Variants in AR observed in about 807,000 individuals in gnomAD.
AR encodes dihydrotestosterone receptor.
AR carries 8 observed loss-of-function variants against 53.9 expected under a neutral mutation model. The observed-to-expected ratio is 0.15, with a 90% CI of 0.09 to 0.27. The LOEUF (loss-of-function observed/expected upper bound fraction) is 0.27. AR is among the 10% of genes least tolerant of loss of function. The pLI is 1.00. For synonymous variants in AR, 359 were observed against 316.4 expected (o/e 1.13, Z -1.43); for missense variants, 639 against 742.5 (o/e 0.86, Z 1.62).
chrX:67,722,200 T>A, intron 6 of AR: 1 of 387,421 alleles, frequency 2.6e-6, no homozygotes. Context: ...TCCCCACCTA[T>A]CCCCAGTCTG....
intron 3 of AR, among the ~76,000 whole-genome samples, chrX:67,693,018 A>C (rs1357271251): frequency 8.9e-6 from 1 of 112,890 alleles, no homozygotes; most frequent in African/African-American, 3.2e-5. Context: ...AAAAACAGAG[A>C]CTGCGTCTCT....
intron 1 of AR, among the ~76,000 whole-genome samples, chrX:67,595,662 A>T (rs1240313690): frequency 9.2e-6 from 1 of 108,479 alleles, no homozygotes; most frequent in Admixed American, 9.9e-5. Flanking sequence ...AAAAAAAAAA[A>T]AAATAGCCAG....
At chrX:67,723,664 T>C in intron 7 of AR, 22 bp from the exon 8 acceptor site, 1 of 1,209,152 alleles carries the variant, frequency 8.3e-7, no homozygotes. Context: ...CCTGTTTTTC[T>C]CCCTCTTATT....
At chrX:67,667,668 CAA>C (rs1400850631) in intron 2 of AR, among the ~76,000 whole-genome samples, 1 of 111,533 alleles carries the variant, frequency 9.0e-6, no homozygotes, top group Non-Finnish European at 1.9e-5. Flanking sequence ...GACATTTTAA[CAA>C]TATCAATTCT....
rs1031084535 is a variant in AR, at chrX:67,648,712, T to C, written c.1768+5305T>C. On this transcript the variant is annotated intron_variant, in intron 2 of 7. Coordinates refer to ENST00000374690, the MANE Select transcript of AR (RefSeq NM_000044.6). The stretch of plus-strand genomic sequence containing the variant: ...TGGTGGCCTTGTGCCTGCTTATTTA[T>C]AGCCTGTGCATTTTATGAAACAGGG... Among the ~76,000 whole-genome samples the C allele has an allele frequency of 1.7e-4, 19 of 112,235 alleles. 1 individual carries two copies. The highest frequency in any genetic ancestry group is 1.9e-4 in the Admixed American group (2 of 10,572).
intron 5 of AR, among the ~76,000 whole-genome samples, chrX:67,721,609 G>A (rs137901321): frequency 1.8e-5 from 2 of 111,364 alleles, no homozygotes; most frequent in African/African-American, 6.6e-5. Context: ...CAGAGAAGAT[G>A]AGTAGTTATC....
chrX:67,666,901 C>A (rs1927292104), intron 2 of AR, among the ~76,000 whole-genome samples: 1 of 110,372 alleles, frequency 9.1e-6, no homozygotes, highest in Non-Finnish European at 1.9e-5. Context: ...ATTTTTTAAT[C>A]AGATTGTTAG....
chrX:67,694,732 G>A (rs1235829768), intron 3 of AR: 4 of 1,152,666 alleles, frequency 3.5e-6, no homozygotes, highest in South Asian at 1.9e-5. Context: ...AAGAAAGGCT[G>A]ACTTGCCTCA....
chrX:67,618,778 C>T (rs1924233940), intron 1 of AR, among the ~76,000 whole-genome samples: 1 of 110,574 alleles, frequency 9.0e-6, no homozygotes, highest in Admixed American at 9.6e-5. Context: ...AGACAGATGG[C>T]TGGGGGCAAG....
At position 67,701,674 on chromosome X, in the gene AR, T is replaced by TCACA. The variant is rs3070104; in HGVS notation, c.1886-9695_1886-9692dup. 3.9e-3 allele frequency among the ~76,000 whole-genome samples: 383 copies of TCACA among 97,497 alleles called. 4 individuals carry two copies. Among genetic ancestry groups the TCACA allele is most frequent in the East Asian group, 0.019 (57 of 3,049 alleles). The allele number at this position is 97,497 out of a possible 115,157, so 84.7% of individuals were successfully genotyped here. On this transcript the variant is annotated intron_variant, in intron 3 of 7. Transcript: ENST00000374690. ...TTCAATTCACCAGTGTACTAACCATTCACACACACACACACACACACACAC... is the reference window on the plus strand; with the variant it reads ...TTCAATTCACCAGTGTACTAACCATTCACACACACACACACACACACACACACAC...
intron 1 of AR, among the ~76,000 whole-genome samples, chrX:67,627,316 T>C (rs1186089491): frequency 5.0e-4 from 56 of 111,837 alleles, no homozygotes; most frequent in Non-Finnish European, 9.6e-4. Context: ...TTTTAATGAT[T>C]GCCATTCTAA....
At chrX:67,697,251 G>A (rs2076024744) in intron 3 of AR, among the ~76,000 whole-genome samples, 1 of 111,578 alleles carries the variant, frequency 9.0e-6, no homozygotes, top group Non-Finnish European at 1.9e-5. Context: ...TTACATTTCA[G>A]TCCTTGTGAA....
At chrX:67,569,966 C>A (rs1290182595) in intron 1 of AR, among the ~76,000 whole-genome samples, 1 of 111,592 alleles carries the variant, frequency 9.0e-6, no homozygotes, top group African/African-American at 3.3e-5. Flanking sequence ...GGGTGTATAT[C>A]CCTCTCTTGC....
chrX:67,613,950 A>G (rs1923994007), intron 1 of AR, among the ~76,000 whole-genome samples: 1 of 112,485 alleles, frequency 8.9e-6, no homozygotes, highest in Admixed American at 9.4e-5. Flanking sequence ...TCCAAGCCAC[A>G]TGCACATCCA....
At chrX:67,683,488 G>T (rs1306712730) in intron 2 of AR, among the ~76,000 whole-genome samples, 2 of 111,772 alleles carry the variant, frequency 1.8e-5, no homozygotes, top group East Asian at 5.6e-4. Context: ...TGACTTTCCA[G>T]TCCAATCTAT....
Position 67,577,776 on chromosome X carries a change from T to C in AR, c.1616+31014T>C, listed in dbSNP as rs187973678. ...ATCTTTTCATGTGCTTATTGGCCGT[T>C]TGTATATTTTTTGATCCTTTGCTCA... On this transcript the variant is annotated intron_variant, in intron 1 of 7. Coordinates refer to ENST00000374690, the MANE Select transcript of AR (RefSeq NM_000044.6). Among the ~76,000 whole-genome samples, 9 of 111,613 alleles carry C rather than the reference T, an allele frequency of 8.1e-5. No individual in the cohort carries two copies. In the East Asian group the frequency reaches 2.6e-3, roughly 32 times the overall value.
intron 1 of AR, among the ~76,000 whole-genome samples, chrX:67,628,259 C>T (rs1924815306): frequency 9.4e-6 from 1 of 106,243 alleles, no homozygotes; most frequent in African/African-American, 3.3e-5. Flanking sequence ...TTGATTCTTC[C>T]TACCCATGAG....
intron 6 of AR, 55 bp from the exon 7 acceptor site, chrX:67,722,772 A>G: frequency 8.4e-7 from 1 of 1,191,391 alleles, no homozygotes; most frequent in Non-Finnish European, 1.1e-6. Flanking sequence ...TGCTTTGTCT[A>G]ATGCTCCTTC....
chrX:67,646,498 G>A (rs2147441330), intron 2 of AR, among the ~76,000 whole-genome samples: 1 of 111,084 alleles, frequency 9.0e-6, no homozygotes, highest in Admixed American at 9.7e-5. Context: ...CTGAGTGCTT[G>A]GTGGGATGAA....
Sources: allele counts gnomAD v4.1 joint callset (sites outside exome capture counted in the v4.1 genomes callset), GRCh38; gene constraint gnomAD v4.1.1; transcripts MANE v1.5; gene names NCBI Gene and HGNC (gene_info 2026-07-23, HGNC 2026-07-21).